CACNA1E: variants seen among roughly 807,000 people sequenced by gnomAD.
CACNA1E encodes the protein voltage-dependent R-type calcium channel subunit alpha-1E.
A neutral mutation model predicts 259.2 loss-of-function variants in CACNA1E; 40 were observed. That is an observed-to-expected ratio of 0.15 (90% CI 0.12 to 0.20). CACNA1E has a LOEUF of 0.20. Ranked by LOEUF, CACNA1E falls within the 10% of genes least tolerant of loss-of-function variation. CACNA1E has a pLI of 1.00. For missense variants in CACNA1E, 1,874 were observed against 3,040.1 expected (o/e 0.62, Z 9.02); for synonymous variants, 1,104 against 1,138.5 (o/e 0.97, Z 0.61).
intron 37 of CACNA1E, among the ~76,000 whole-genome samples, chr1:181,772,755 T>C (rs1012706887): frequency 6.6e-6 from 1 of 151,850 alleles, no homozygotes; most frequent in Non-Finnish European, 1.5e-5. Flanking sequence ...TGACTTGTAA[T>C]GTTATTACAT....
intron 1 of CACNA1E, among the ~76,000 whole-genome samples, chr1:181,332,174 T>C (rs1651327040): frequency 6.6e-6 from 1 of 152,158 alleles, no homozygotes; most frequent in African/African-American, 2.4e-5. Flanking sequence ...TGAGAACACA[T>C]GGACACATTG....
intron 1 of CACNA1E, among the ~76,000 whole-genome samples, chr1:181,373,735 C>T (rs935712743): frequency 6.6e-6 from 1 of 151,986 alleles, no homozygotes. Flanking sequence ...GACGGGGTTT[C>T]ACCGTGGTCT....
intron 3 of CACNA1E, among the ~76,000 whole-genome samples, chr1:181,525,440 C>G (rs1051199142): frequency 6.6e-6 from 1 of 152,170 alleles, no homozygotes; most frequent in Non-Finnish European, 1.5e-5. Context: ...TAGTGTATTT[C>G]ATATTTTTTT....
At chr1:181,744,021 C>T (rs921280823) in intron 25 of CACNA1E, among the ~76,000 whole-genome samples, 9 of 152,272 alleles carry the variant, frequency 5.9e-5, no homozygotes, top group African/African-American at 2.2e-4. Flanking sequence ...TCAGGACTCC[C>T]TGGCACTCAG....
chr1:181,455,275 A>G (rs981894296), intron 2 of CACNA1E, among the ~76,000 whole-genome samples: 1 of 152,174 alleles, frequency 6.6e-6, no homozygotes, highest in African/African-American at 2.4e-5. Flanking sequence ...AAAAGTCCAG[A>G]GTGAAGGGGA....
At chr1:181,410,490 G>A (rs192231830) in intron 1 of CACNA1E, among the ~76,000 whole-genome samples, 6 of 152,312 alleles carry the variant, frequency 3.9e-5, no homozygotes, top group South Asian at 4.1e-4. Context: ...AGAAGGGGAC[G>A]AATAGAGAAG....
intron 2 of CACNA1E, among the ~76,000 whole-genome samples, chr1:181,448,941 T>C (rs1045009899): frequency 2.0e-5 from 3 of 152,232 alleles, no homozygotes; most frequent in African/African-American, 7.2e-5. Flanking sequence ...GCCAGCACGG[T>C]TGACTGGCAC....
At chr1:181,595,382 C>T (rs944934289) in intron 6 of CACNA1E, among the ~76,000 whole-genome samples, 2 of 152,212 alleles carry the variant, frequency 1.3e-5, no homozygotes, top group Non-Finnish European at 2.9e-5. Context: ...CCCAGGTGAT[C>T]ACACCTCCCT....
At chr1:181,384,814 C>T (rs1263619376) in intron 1 of CACNA1E, among the ~76,000 whole-genome samples, 1 of 152,102 alleles carries the variant, frequency 6.6e-6, no homozygotes, top group Non-Finnish European at 1.5e-5. Flanking sequence ...GGGTGCAGCA[C>T]ACCAGCATGG....
At chr1:181,407,725 A>C (rs1229434576) in intron 1 of CACNA1E, among the ~76,000 whole-genome samples, 2 of 152,152 alleles carry the variant, frequency 1.3e-5, no homozygotes, top group Non-Finnish European at 2.9e-5. Flanking sequence ...TTATTTCTGC[A>C]CAGGGAATGT....
At chr1:181,519,301 T>C (rs1035423405) in intron 3 of CACNA1E, among the ~76,000 whole-genome samples, 3 of 152,254 alleles carry the variant, frequency 2.0e-5, no homozygotes, top group Admixed American at 6.5e-5. Context: ...GTAAATGTAG[T>C]CCACAGTTAA....
At chr1:181,559,329 C>T (rs1284122009) in intron 3 of CACNA1E, among the ~76,000 whole-genome samples, 1 of 152,098 alleles carries the variant, frequency 6.6e-6, no homozygotes, top group Non-Finnish European at 1.5e-5. Flanking sequence ...GTGGAAATGC[C>T]CAGCAGAGTA....
At chr1:181,343,251 C>T (rs763789446) in intron 1 of CACNA1E, among the ~76,000 whole-genome samples, 43 of 152,108 alleles carry the variant, frequency 2.8e-4, no homozygotes, top group Non-Finnish European at 5.3e-4. Context: ...CTGATATGGG[C>T]TGGATGGTAT....
chr1:181,681,240 C>A (rs1649939300), intron 7 of CACNA1E, among the ~76,000 whole-genome samples: 1 of 152,204 alleles, frequency 6.6e-6, no homozygotes, highest in Non-Finnish European at 1.5e-5. Flanking sequence ...ACCCTCAGAT[C>A]CATGTCCCCA....
chr1:181,526,235 C>G (rs1667347790), intron 3 of CACNA1E, among the ~76,000 whole-genome samples: 1 of 152,076 alleles, frequency 6.6e-6, no homozygotes, highest in African/African-American at 2.4e-5. Flanking sequence ...ATTATAATCA[C>G]TACTAGATGA....
rs35606457 is a variant in CACNA1E at position 181,717,125 on chromosome 1, G to T, written c.1348G>T (p.Ala450Ser). The change falls in exon 11 of 48, where the codon GCA becomes TCA. Residue 450 changes from alanine to serine, a missense_variant. Around this residue, in one of 14 missense-constraint regions of CACNA1E, gnomAD observed 157 missense variants for 203.5 expected, o/e 0.77. Coordinates refer to ENST00000367573, the MANE Select transcript of CACNA1E (RefSeq NM_001205293.3). ...TCTGGCCCGAGCCAGTATCAAAAGT[G>T]CAAAGGTAGACGGGGTCTCTTATTT... ...TPLARASIKS[A>S]KVDGVSYFRH... The T allele has an allele frequency of 1.4e-4, 232 of 1,614,068 alleles. No individual in the cohort carries two copies. In the African/African-American group the frequency reaches 2.6e-3, roughly 18 times the overall value.
intron 1 of CACNA1E, among the ~76,000 whole-genome samples, chr1:181,320,330 T>C (rs1415006133): frequency 6.6e-6 from 1 of 152,184 alleles, no homozygotes; most frequent in Non-Finnish European, 1.5e-5. Flanking sequence ...CTTGCTTGTG[T>C]GAGGGAGTGA....
At chr1:181,718,004 C>A in intron 11 of CACNA1E, 51 bp from the exon 12 acceptor site, 1 of 875,462 alleles carries the variant, frequency 1.1e-6, no homozygotes, top group Non-Finnish European at 1.9e-6. Context: ...CTGAGAAGTG[C>A]ATGAGCCCAC....
Position 181,785,730 on chromosome 1 carries a change from C to T in CACNA1E, c.5697C>T (p.Phe1899=). 6.2e-7 allele frequency: 1 copy of T among 1,613,014 alleles called. No homozygotes were observed. Among genetic ancestry groups the T allele is most frequent in the Non-Finnish European group, 8.5e-7 (1 of 1,179,258 alleles). ...QLEEQKNAPM[F]QRMEPSSLPQ... ...TTACCCAGAAAAATGCCCCCATGTTCCAGCGCATGGAGCCTTCATCTCTGC... is the reference window on the plus strand; with the variant it reads ...TTACCCAGAAAAATGCCCCCATGTTTCAGCGCATGGAGCCTTCATCTCTGC... The change falls in exon 43 of 48, where the codon TTC becomes TTT. Residue 1899 remains phenylalanine (F), a synonymous_variant. Coordinates refer to ENST00000367573, the MANE Select transcript of CACNA1E (RefSeq NM_001205293.3).
Sources: allele counts gnomAD v4.1 joint callset (sites outside exome capture counted in the v4.1 genomes callset), GRCh38; gene constraint gnomAD v4.1.1; regional missense constraint gnomAD v4.1.1; transcripts MANE v1.5; gene names NCBI Gene and HGNC (gene_info 2026-07-23, HGNC 2026-07-21).